The following KIAA0930 variants were observed in gnomAD, a reference collection of about 807,000 sequenced individuals.
KIAA0930 encodes uncharacterized protein KIAA0930.
A neutral mutation model predicts 43.9 loss-of-function variants in KIAA0930; 24 were observed. That is an observed-to-expected ratio of 0.55 (90% CI 0.40 to 0.77). The LOEUF (loss-of-function observed/expected upper bound fraction) is 0.77. Among genes scored for constraint, KIAA0930 ranks in the 30% least tolerant of loss-of-function variants. The pLI is 0.00. For missense variants in KIAA0930, 461 were observed against 574.2 expected (o/e 0.80, Z 2.02); for synonymous variants, 259 against 216.4 (o/e 1.20, Z -1.73).
chr22:45,227,606 C>T (rs58721007), intron 1 of KIAA0930, among the ~76,000 whole-genome samples: 5,203 of 152,264 alleles, frequency 0.034, 118 homozygotes, highest in African/African-American at 0.052. Flanking sequence ...GGGACAACAC[C>T]CCTCACGTCA....
rs1373151431 is a variant in KIAA0930, at chr22:45,197,200, C to A, written c.1191G>T (p.Arg397=). 1 of 1,550,328 alleles carries A rather than the reference C, an allele frequency of 6.5e-7. No homozygotes were observed. The highest frequency in any genetic ancestry group is 8.7e-7 in the Non-Finnish European group (1 of 1,146,380). The change falls in exon 10 of 10, where the codon CGG becomes CGT. Residue 397 remains arginine, a synonymous_variant. Coordinates refer to ENST00000336156, the MANE Select transcript of KIAA0930 (RefSeq NM_001009880.2). ...HRILTDILEV[R]QKPILMT is the part of the protein sequence containing the mutation. ...GCTAGGTCATCAGGATGGGCTTCTG[C>A]CGAACTTCCAGGATGTCTAGGGCCG... is the stretch of plus-strand genomic sequence containing the variant.
chr22:45,230,403 C>A (rs560483695), intron 1 of KIAA0930, among the ~76,000 whole-genome samples: 2 of 152,062 alleles, frequency 1.3e-5, no homozygotes, highest in Non-Finnish European at 2.9e-5. Flanking sequence ...GTCTCTCTCA[C>A]CCTCCCTCTG....
intron 1 of KIAA0930, among the ~76,000 whole-genome samples, chr22:45,233,565 T>G (rs7288807): frequency 0.53 from 81,013 of 151,980 alleles, 21,725 homozygotes; most frequent in South Asian, 0.6. Context: ...ACGCTTCTAC[T>G]TCAGCTGCAG....
At chr22:45,198,078 C>CA in intron 8 of KIAA0930, 130 bp from the exon 9 acceptor site, 1 of 799,412 alleles carries the variant, frequency 1.3e-6, no homozygotes, top group Non-Finnish European at 2.0e-6. Flanking sequence ...AACACCCCCA[C>CA]ACCAGCACCC....
intron 1 of KIAA0930, among the ~76,000 whole-genome samples, chr22:45,222,949 T>C (rs2083776171): frequency 6.6e-6 from 1 of 152,208 alleles, no homozygotes; most frequent in African/African-American, 2.4e-5. Context: ...AAAGAGGATG[T>C]GGAGAAACAG....
chr22:45,211,380 G>C lies in KIAA0930; in HGVS notation c.216+576C>G, dbSNP rs1046312353. 1.5e-5 allele frequency: 6 copies of C among 398,668 alleles called. No individual in the cohort carries two copies. In the Admixed American group the frequency reaches 2.2e-4, roughly 15 times the overall value. The allele number at this position is 398,668 out of a possible 1,614,324, so 24.7% of individuals were successfully genotyped here. On this transcript the variant is annotated intron_variant, in intron 2 of 9. Coordinates refer to ENST00000336156, the MANE Select transcript of KIAA0930 (RefSeq NM_001009880.2). Reference sequence around the variant, plus strand: ...AGCTCCTCCCACACTGCGATTTAGTGGATGAAATACGTTAGGCGAATCACT... The same window carrying C: ...AGCTCCTCCCACACTGCGATTTAGTCGATGAAATACGTTAGGCGAATCACT...
chr22:45,204,426 C>G (rs985293949), intron 5 of KIAA0930, among the ~76,000 whole-genome samples: 1 of 152,204 alleles, frequency 6.6e-6, no homozygotes, highest in Non-Finnish European at 1.5e-5. Context: ...ATCCTGCCAC[C>G]TTCCCGAGTC....
In KIAA0930 at chr22:45,203,206, C is replaced by G. The variant is rs776307341; in HGVS notation, c.658-22G>C. The G allele has an allele frequency of 2.2e-5, 34 of 1,569,478 alleles. No homozygotes were observed. The East Asian group carries it at 2.7e-4, about 13-fold the overall frequency. ...TCACCTGGGGGCCGGCGCGGGGCAG[C>G]CTGAGTCAGGGAGGTGGCGATGGCT... On this transcript the variant is annotated intron_variant, in intron 6 of 9. Transcript: ENST00000336156.
At chr22:45,240,614 C>T in intron 1 of KIAA0930, 26 bp downstream of exon 1, 1 of 1,506,258 alleles carries the variant, frequency 6.6e-7, no homozygotes, top group Non-Finnish European at 8.9e-7. Context: ...TCTCCCGGCC[C>T]GGCCTCGCCC....
chr22:45,238,875 GCTCTCT>G (rs141242172), intron 1 of KIAA0930, among the ~76,000 whole-genome samples: 16 of 145,464 alleles, frequency 1.1e-4, no homozygotes, highest in Middle Eastern at 3.5e-3. Context: ...CCCTGGGCAG[GCTCTCT>G]CTCTCTCTCT....
At chr22:45,204,233 C>T (rs976939372) in intron 5 of KIAA0930, among the ~76,000 whole-genome samples, 12 of 152,148 alleles carry the variant, frequency 7.9e-5, no homozygotes, top group South Asian at 2.1e-4. Context: ...TGGCAGAAGA[C>T]GCACACCCTC....
intron 8 of KIAA0930, 137 bp from the exon 9 acceptor site, chr22:45,198,085 A>G (rs1464723898): frequency 1.0e-5 from 8 of 770,454 alleles, no homozygotes; most frequent in Non-Finnish European, 1.7e-5. Context: ...CCACACCAGC[A>G]CCCACACGCT....
At chr22:45,217,360 C>CAA (rs58492110) in intron 1 of KIAA0930, among the ~76,000 whole-genome samples, 10 of 68,736 alleles carry the variant, frequency 1.5e-4, no homozygotes, top group South Asian at 6.4e-4. Context: ...GACCCCGTCT[C>CAA]AAAAAAAAAA....
Position 45,197,101 on chromosome 22 carries a change from C to T in KIAA0930, c.*75G>A, listed in dbSNP as rs1167791492. 8 of 1,274,062 alleles carry T rather than the reference C, an allele frequency of 6.3e-6. No individual in the cohort carries two copies. The highest frequency in any genetic ancestry group is 2.8e-5 in the East Asian group (1 of 35,214). 78.9% of individuals were successfully genotyped at this position (1,274,062 alleles called of 1,614,324 possible). On this transcript the variant is annotated 3_prime_UTR_variant, in exon 10 of 10. Transcript: ENST00000336156. ...GGCGTGCCATCGCAGACCCCGGTGG[C>T]GGTGGACAGGTAGGCACTTGGCAGC...
chr22:45,212,036 G>A lies in KIAA0930; in HGVS notation c.136C>T (p.Pro46Ser). Reference sequence around the variant, plus strand: ...TAGAAAAGCATGTCGTCCTGCCGGGGAGCCCATTTCTCCATGAAGTAGGTG... The same window carrying A: ...TAGAAAAGCATGTCGTCCTGCCGGGAAGCCCATTTCTCCATGAAGTAGGTG... ...FSTYFMEKWA[P>S]RQDDMLFYVR... is the part of the protein sequence containing the mutation. The change falls in exon 2 of 10, where the codon CCC (proline) becomes TCC (serine). Residue 46 changes from proline (P) to serine (S), a missense_variant. Pro to Ser is a moderately conservative substitution (Grantham distance 74). Transcript: ENST00000336156. 1 of 1,613,912 alleles carries A rather than the reference G, an allele frequency of 6.2e-7. No individual in the cohort carries two copies. The highest frequency in any genetic ancestry group is 8.5e-7 in the Non-Finnish European group (1 of 1,180,024).
intron 2 of KIAA0930, among the ~76,000 whole-genome samples, chr22:45,206,808 C>T (rs2083642259): frequency 6.6e-6 from 1 of 151,928 alleles, no homozygotes; most frequent in Admixed American, 6.6e-5. Context: ...TAATGATTCT[C>T]CTGCCTCAGC....
At chr22:45,237,146 C>T (rs1027818672) in intron 1 of KIAA0930, among the ~76,000 whole-genome samples, 4 of 152,274 alleles carry the variant, frequency 2.6e-5, no homozygotes, top group African/African-American at 7.2e-5. Context: ...CAAATGTCTG[C>T]ATCGCACACC....
In KIAA0930 at chr22:45,197,174, G is replaced by A. The variant is rs3179803; in HGVS notation, c.*2C>T. 180,400 of 1,548,252 alleles carry A rather than the reference G, an allele frequency of 0.12. 11,546 individuals are homozygous for A. Among genetic ancestry groups the A allele is most frequent in the East Asian group, 0.14 (5,640 of 40,728 alleles). On this transcript the variant is annotated 3_prime_UTR_variant, in exon 10 of 10. Transcript: ENST00000336156. ...GGGGCTCTGCGCAGGCTCCGCACGCGGCTAGGTCATCAGGATGGGCTTCTG... is the reference window on the plus strand; with the variant it reads ...GGGGCTCTGCGCAGGCTCCGCACGCAGCTAGGTCATCAGGATGGGCTTCTG...
intron 8 of KIAA0930, among the ~76,000 whole-genome samples, chr22:45,198,718 C>T (rs1290397531): frequency 2.0e-5 from 3 of 152,146 alleles, no homozygotes; most frequent in Non-Finnish European, 4.4e-5. Context: ...GGCACGATCT[C>T]GGCTCACCGC....
Sources: allele counts gnomAD v4.1 joint callset (sites outside exome capture counted in the v4.1 genomes callset), GRCh38; gene constraint gnomAD v4.1.1; transcripts MANE v1.5; gene names NCBI Gene and HGNC (gene_info 2026-07-23, HGNC 2026-07-21).